PRKN: variants seen among roughly 807,000 people sequenced by gnomAD.
The protein encoded by PRKN is E3 ubiquitin-protein ligase parkin.
In PRKN, 56 loss-of-function variants were observed where a neutral mutation model predicts 59.5. That is an observed-to-expected ratio of 0.94 (90% CI 0.76 to 1.18). The LOEUF (loss-of-function observed/expected upper bound fraction) is 1.18, where lower values mean the gene tolerates loss of function less well. Ranked by LOEUF, PRKN falls within the 50% of genes most tolerant of loss-of-function variation. The probability of loss-of-function intolerance (pLI) is 0.00; values close to 1 mark genes in which losing one functional copy is unlikely to be tolerated. For synonymous variants in PRKN, 250 were observed against 222.1 expected (o/e 1.13, Z -1.12); for missense variants, 657 against 596.4 (o/e 1.10, Z -1.06).
chr6:162,331,366 G>T (rs1048731756), intron 2 of PRKN, among the ~76,000 whole-genome samples: 1 of 152,032 alleles, frequency 6.6e-6, no homozygotes, highest in East Asian at 1.9e-4. Flanking sequence ...TTTCCTTTCA[G>T]GTCTCAGAAA....
chr6:162,447,686 A>G (rs1296243109), intron 1 of PRKN, among the ~76,000 whole-genome samples: 2 of 152,166 alleles, frequency 1.3e-5, no homozygotes, highest in Admixed American at 1.3e-4. Context: ...AAGTCTGACC[A>G]GGGTATAAAC....
At chr6:162,361,055 C>G (rs1316559265) in intron 2 of PRKN, among the ~76,000 whole-genome samples, 1 of 152,162 alleles carries the variant, frequency 6.6e-6, no homozygotes, top group African/African-American at 2.4e-5. Context: ...ACTTTGGCAT[C>G]CCATCCAGTG....
rs74435604 is a variant in PRKN, at chr6:161,775,383, T to C, written c.871+10389A>G. Among the ~76,000 whole-genome samples, 221 of 152,054 alleles carry C rather than the reference T, an allele frequency of 1.5e-3. 1 individual carries two copies. In the East Asian group the frequency reaches 0.028, roughly 19 times the overall value. On this transcript the variant is annotated intron_variant, in intron 7 of 11. Transcript: ENST00000366898. The stretch of plus-strand genomic sequence containing the variant: ...TCAGCTTCCCAAGTAGCTGAGACTG[T>C]AGATATGCCCCAACACACTGACCTA...
At position 161,440,204 on chromosome 6, in the gene PRKN, C is replaced by T. The variant is rs541025305; in HGVS notation, c.1084-53327G>A. Among the ~76,000 whole-genome samples the T allele has an allele frequency of 2.6e-5, 4 of 152,176 alleles. No individual in the cohort carries two copies. Among genetic ancestry groups the T allele is most frequent in the South Asian group, 2.1e-4 (1 of 4,820 alleles). ...TCCTGACCTCGTGATCCGCCCGTCT[C>T]GGCCTCCCAAAGTGCTGGGATTACA... On this transcript the variant is annotated intron_variant, in intron 9 of 11. Coordinates refer to ENST00000366898, the MANE Select transcript of PRKN (RefSeq NM_004562.3). The surrounding 1 kb of genome is among the most constrained non-coding windows in gnomAD (Gnocchi z 4.1).
intron 5 of PRKN, among the ~76,000 whole-genome samples, chr6:161,978,716 C>T (rs1781146776): frequency 6.6e-6 from 1 of 152,268 alleles, no homozygotes; most frequent in Admixed American, 6.5e-5. Context: ...CATAGCAGGG[C>T]CCAAGCCAAG....
At chr6:161,600,825 G>A (rs1782078597) in intron 7 of PRKN, among the ~76,000 whole-genome samples, 1 of 151,764 alleles carries the variant, frequency 6.6e-6, no homozygotes, top group South Asian at 2.1e-4. Context: ...CTTCTCAGAA[G>A]ACACTATTAA....
chr6:162,705,267 C>A (rs1778299062), intron 1 of PRKN, among the ~76,000 whole-genome samples: 1 of 152,156 alleles, frequency 6.6e-6, no homozygotes, highest in Non-Finnish European at 1.5e-5. Flanking sequence ...TGAAAATCCC[C>A]TTTACTGTTT....
At chr6:161,420,696 G>C (rs1181507881) in intron 9 of PRKN, among the ~76,000 whole-genome samples, 1 of 152,006 alleles carries the variant, frequency 6.6e-6, no homozygotes, top group Non-Finnish European at 1.5e-5. Context: ...TATTTGTAGA[G>C]AGAGGGTCTC....
At chr6:162,579,455 C>T (rs1780693982) in intron 1 of PRKN, among the ~76,000 whole-genome samples, 1 of 151,888 alleles carries the variant, frequency 6.6e-6, no homozygotes, top group Admixed American at 6.6e-5. Flanking sequence ...GAAATTGACA[C>T]ACCCACTTTC....
intron 2 of PRKN, among the ~76,000 whole-genome samples, chr6:162,296,720 T>C (rs116319154): frequency 0.028 from 4,231 of 152,186 alleles, 187 homozygotes; most frequent in African/African-American, 0.091. Flanking sequence ...TTAATTTACG[T>C]ATTTAAGAAA....
chr6:161,593,170 A>C lies in PRKN; in HGVS notation c.872-23754T>G, dbSNP rs1474708363. Among the ~76,000 whole-genome samples the C allele has an allele frequency of 6.6e-6, 1 of 152,146 alleles. No homozygotes were observed. The highest frequency in any genetic ancestry group is 1.9e-4 in the East Asian group (1 of 5,182). ...CTTACTGTATAGAAAATAATTACGA[A>C]CTAATAATAACGACAATCATTATGA... On this transcript the variant is annotated intron_variant, in intron 7 of 11. Coordinates refer to ENST00000366898, the MANE Select transcript of PRKN (RefSeq NM_004562.3). This position sits in a 1 kb window ranked among gnomAD's most constrained non-coding sequence, Gnocchi z 4.8.
At chr6:162,227,387 T>C (rs2128084251) in intron 3 of PRKN, among the ~76,000 whole-genome samples, 1 of 151,896 alleles carries the variant, frequency 6.6e-6, no homozygotes, top group Non-Finnish European at 1.5e-5. Flanking sequence ...ACTTTTTTTT[T>C]CTCTCTCTAC....
At chr6:162,491,127 A>G (rs1333880009) in intron 1 of PRKN, among the ~76,000 whole-genome samples, 4 of 149,936 alleles carry the variant, frequency 2.7e-5, no homozygotes, top group Admixed American at 6.6e-5. Flanking sequence ...AAAATTAGCC[A>G]GGTCTGGTGA....
At position 161,629,521 on chromosome 6, in the gene PRKN, C is replaced by T. The variant is rs755317724; in HGVS notation, c.872-60105G>A. 5.3e-5 allele frequency among the ~76,000 whole-genome samples: 8 copies of T among 152,262 alleles called. No individual in the cohort carries two copies. The South Asian group carries it at 1.7e-3, about 32-fold the overall frequency. ...CATTTAGCCCTTCTGCTTAAAACCT[C>T]CACTACTTGACCCGTGAAGTCAGAT... On this transcript the variant is annotated intron_variant, in intron 7 of 11. Coordinates refer to ENST00000366898, the MANE Select transcript of PRKN (RefSeq NM_004562.3).
At chr6:161,775,361 G>C (rs1264919596) in intron 7 of PRKN, among the ~76,000 whole-genome samples, 2 of 151,890 alleles carry the variant, frequency 1.3e-5, no homozygotes, top group Non-Finnish European at 2.9e-5. Flanking sequence ...TCCCACCTCA[G>C]CTTCCCAAGT....
At chr6:162,654,633 A>G (rs1778570299) in intron 1 of PRKN, among the ~76,000 whole-genome samples, 1 of 152,224 alleles carries the variant, frequency 6.6e-6, no homozygotes, top group South Asian at 2.1e-4. Context: ...TTCAAGAGAA[A>G]ACAATTTTTT....
At chr6:161,602,426 G>A (rs1002362577) in intron 7 of PRKN, among the ~76,000 whole-genome samples, 3 of 152,204 alleles carry the variant, frequency 2.0e-5, no homozygotes, top group African/African-American at 4.8e-5. Flanking sequence ...TAGCATCTCT[G>A]CTATAATTTA....
Position 161,830,762 on chromosome 6 carries a change from T to C in PRKN, c.735-44854A>G, listed in dbSNP as rs146279827. Among the ~76,000 whole-genome samples the C allele has an allele frequency of 3.5e-4, 54 of 152,326 alleles. No homozygotes were observed. In the East Asian group the frequency reaches 6.6e-3, roughly 19 times the overall value. On this transcript the variant is annotated intron_variant, in intron 6 of 11. Transcript: ENST00000366898. ...ACAAATGCATTACCTCACATACTTATGATTTTTTACTTATGATTTTGTATG... is the reference window on the plus strand; with the variant it reads ...ACAAATGCATTACCTCACATACTTACGATTTTTTACTTATGATTTTGTATG...
chr6:161,910,567 A>C (rs1778322516), intron 6 of PRKN, among the ~76,000 whole-genome samples: 1 of 152,078 alleles, frequency 6.6e-6, no homozygotes, highest in African/African-American at 2.4e-5. Context: ...AAGAATCTGA[A>C]TATTACTTGT....
Sources: gnomAD v4.1 joint callset for allele counts (sites outside exome capture counted in the v4.1 genomes callset) on GRCh38, gnomAD v4.1.1 for gene constraint, Gnocchi (gnomAD v3.1) non-coding constraint, MANE v1.5 for transcripts, NCBI Gene and HGNC (gene_info 2026-07-23, HGNC 2026-07-21) for gene names.